The following MPHOSPH9 variants were observed in gnomAD, a reference collection of about 807,000 sequenced individuals.
MPHOSPH9 encodes M-phase phosphoprotein 9.
MPHOSPH9 carries 88 observed loss-of-function variants against 145.5 expected under a neutral mutation model. That is an observed-to-expected ratio of 0.60 (90% CI 0.51 to 0.72). The LOEUF (loss-of-function observed/expected upper bound fraction) is 0.72. Among genes scored for constraint, MPHOSPH9 ranks in the 30% least tolerant of loss-of-function variants. The pLI is 0.00. For synonymous variants in MPHOSPH9, 435 were observed against 486.2 expected, an observed-to-expected ratio of 0.89 and a Z score of 1.39; for missense variants, 1,238 against 1,386.6, an observed-to-expected ratio of 0.89 and a Z score of 1.70.
chr12:123,160,544 A>G (rs2137865047), intron 23 of MPHOSPH9: 1 of 439,158 alleles, frequency 2.3e-6, no homozygotes, highest in South Asian at 5.1e-5. Context: ...TGAAAATACA[A>G]GGGCATGAAC....
At chr12:123,213,719 A>C (rs926320854) in intron 7 of MPHOSPH9, among the ~76,000 whole-genome samples, 2 of 152,220 alleles carry the variant, frequency 1.3e-5, no homozygotes, top group African/African-American at 4.8e-5. Context: ...ACAATTCAGT[A>C]TAAAGTGAGG....
At chr12:123,207,145 T>TA (rs2046470282) in intron 8 of MPHOSPH9, among the ~76,000 whole-genome samples, 4 of 92,924 alleles carry the variant, frequency 4.3e-5, no homozygotes, top group Admixed American at 1.3e-4. Context: ...TCTAAAGTGG[T>TA]TAAAAAAAAA....
intron 8 of MPHOSPH9, among the ~76,000 whole-genome samples, chr12:123,204,457 G>T (rs1194460516): frequency 1.3e-5 from 2 of 152,082 alleles, no homozygotes; most frequent in Non-Finnish European, 2.9e-5. Flanking sequence ...AAAAGAGTTG[G>T]CCAAACAAAA....
intron 1 of MPHOSPH9, among the ~76,000 whole-genome samples, chr12:123,239,527 C>T (rs932554204): frequency 1.3e-5 from 2 of 152,090 alleles, no homozygotes; most frequent in Admixed American, 1.3e-4. Context: ...CTCAGCCTCC[C>T]AAGTAGCTGG....
chr12:123,222,352 G>A (rs1466987153), intron 4 of MPHOSPH9, among the ~76,000 whole-genome samples: 4 of 142,918 alleles, frequency 2.8e-5, no homozygotes, highest in African/African-American at 7.8e-5. Context: ...TTGATATAAC[G>A]TATTGTTTTT....
intron 6 of MPHOSPH9, among the ~76,000 whole-genome samples, chr12:123,217,377 T>C (rs1005400512): frequency 6.6e-6 from 1 of 151,972 alleles, no homozygotes; most frequent in African/African-American, 2.4e-5. Context: ...TTTGTATTTT[T>C]AGTTAGAGAC....
chr12:123,224,731 TTA>T (rs1325442661), intron 3 of MPHOSPH9, among the ~76,000 whole-genome samples: 1 of 152,230 alleles, frequency 6.6e-6, no homozygotes, highest in African/African-American at 2.4e-5. Context: ...TGTGTCCATT[TTA>T]TGTTATAAAA....
At chr12:123,238,078 TAC>T (rs1321031124), upstream of MPHOSPH9, among the ~76,000 whole-genome samples, 1 of 151,900 alleles carries the variant, frequency 6.6e-6, no homozygotes, top group African/African-American at 2.4e-5. Flanking sequence ...TGTATTTTAG[TAC>T]AGAGGGGGTT....
intron 13 of MPHOSPH9, among the ~76,000 whole-genome samples, chr12:123,183,447 C>T (rs1307971590): frequency 7.0e-6 from 1 of 142,324 alleles, no homozygotes; most frequent in Non-Finnish European, 1.5e-5. Context: ...ACTCAGGAGG[C>T]TGAGGCAGGA....
rs2043887766 is a variant in MPHOSPH9, at chr12:123,156,881, T to C, written c.3478A>G (p.Ile1160Val). 6.2e-7 allele frequency: 1 copy of C among 1,609,588 alleles called. No homozygotes were observed. Among genetic ancestry groups the C allele is most frequent in the African/African-American group, 1.3e-5 (1 of 74,910 alleles). Residue 1160 changes from isoleucine (I) to valine (V), a missense_variant, in exon 24 of 24, where the codon ATT becomes GTT. Ile to Val is a conservative substitution (Grantham distance 29). Transcript: ENST00000606320. ...QEALEDRLER[I>V]NRELGSVRMT... Reference sequence around the variant, plus strand: ...CGAACTGAACCCAGTTCTCGATTAATCCTTTCCAAACGATCTTCCAAGGCT... The same window carrying C: ...CGAACTGAACCCAGTTCTCGATTAACCCTTTCCAAACGATCTTCCAAGGCT...
In MPHOSPH9 at chr12:123,218,419, G is replaced by C; in HGVS notation, c.953C>G (p.Ser318Cys). ...RAHVEDGGSR[S>C]KQGNEQSKKT... ...CTTACTTTGCTCATTTCCTTGTTTA[G>C]ATCTTGAACCTCCATCTTCTACATG... is the stretch of plus-strand genomic sequence containing the variant. The change falls in exon 6 of 24, where the codon TCT becomes TGT. Residue 318 changes from serine (S) to cysteine (C), a missense_variant. Physicochemically the swap from Ser to Cys is moderately radical, Grantham distance 112. Transcript: ENST00000606320. The C allele has an allele frequency of 6.2e-7, 1 of 1,614,024 alleles. No individual in the cohort carries two copies. Among genetic ancestry groups the C allele is most frequent in the Non-Finnish European group, 8.5e-7 (1 of 1,179,926 alleles).
intron 13 of MPHOSPH9, among the ~76,000 whole-genome samples, chr12:123,187,808 C>T (rs2045512038): frequency 6.6e-6 from 1 of 152,076 alleles, no homozygotes. Context: ...AGTTCAATTC[C>T]TACTCATACC....
At chr12:123,216,844 C>T (rs1749901741) in intron 6 of MPHOSPH9, among the ~76,000 whole-genome samples, 1 of 152,004 alleles carries the variant, frequency 6.6e-6, no homozygotes, top group African/African-American at 2.4e-5. Flanking sequence ...CAAAAATAAG[C>T]CAGGCGTGGT....
rs1335205323 is a variant in MPHOSPH9, at chr12:123,159,585, G to T, written c.3450+1196C>A. 6.6e-6 allele frequency: 1 copy of T among 152,012 alleles called. No homozygotes were observed. The highest frequency in any genetic ancestry group is 1.5e-5 in the Non-Finnish European group (1 of 68,014). The allele number at this position is 152,012 out of a possible 1,614,324, so 9.4% of individuals were successfully genotyped here. On this transcript the variant is annotated intron_variant, in intron 23 of 23. Coordinates refer to ENST00000606320, the MANE Select transcript of MPHOSPH9 (RefSeq NM_022782.4). The surrounding 1 kb of genome is among the most constrained non-coding windows in gnomAD (Gnocchi z 4.3). ...AGTAGAAATTGTCTCAAACATCCTG[G>T]GTTACAACTTGACATATATCCAAAT...
rs935165893 is a variant in MPHOSPH9 at position 123,204,601 on chromosome 12, A to G, written c.1195-1226T>C. Among the ~76,000 whole-genome samples the G allele has an allele frequency of 2.0e-5, 3 of 152,198 alleles. No individual in the cohort carries two copies. In the East Asian group the frequency reaches 5.8e-4, roughly 29 times the overall value. ...AAGAAGATATGACCCTAGGCTGGAC[A>G]CGGTGGCTTACACCTGTAATCCCAG... is the stretch of plus-strand genomic sequence containing the variant. On this transcript the variant is annotated intron_variant, in intron 8 of 23. Coordinates refer to ENST00000606320, the MANE Select transcript of MPHOSPH9 (RefSeq NM_022782.4).
At chr12:123,202,402 T>C in intron 10 of MPHOSPH9, 83 bp from the exon 11 acceptor site, 1 of 1,379,130 alleles carries the variant, frequency 7.3e-7, no homozygotes, top group Non-Finnish European at 9.8e-7. Context: ...AACACAATGA[T>C]TCTCATGGGC....
At chr12:123,209,182 C>T (rs1009287118) in intron 8 of MPHOSPH9, among the ~76,000 whole-genome samples, 6 of 152,028 alleles carry the variant, frequency 3.9e-5, no homozygotes, top group African/African-American at 1.4e-4. Flanking sequence ...ATCTGCCCAC[C>T]TTGGCCTACC....
intron 16 of MPHOSPH9, among the ~76,000 whole-genome samples, chr12:123,170,796 G>T (rs2044543691): frequency 6.6e-6 from 1 of 152,186 alleles, no homozygotes; most frequent in Non-Finnish European, 1.5e-5. Context: ...GCAACTGTGG[G>T]ATTTGGTGCA....
At position 123,233,079 on chromosome 12, in the gene MPHOSPH9, C is replaced by A. The variant is rs1206240764; in HGVS notation, c.-163G>T. 4 of 152,318 alleles carry A rather than the reference C, an allele frequency of 2.6e-5. No individual in the cohort carries two copies. The highest frequency in any genetic ancestry group is 5.9e-5 in the Non-Finnish European group (4 of 68,110). 9.4% of individuals were successfully genotyped at this position (152,318 alleles called of 1,614,324 possible). A position where few individuals can be genotyped will look rare whatever the true frequency, so the allele number is the denominator to read the frequency against. The stretch of plus-strand genomic sequence containing the variant: ...TGCAGGCTGGTGGCCGCTTACCTGG[C>A]CGCCGCTCCCGCTGCCGATGTCAGG... On this transcript the variant is annotated 5_prime_UTR_variant, in exon 1 of 24. Transcript: ENST00000606320.
Sources: allele counts gnomAD v4.1 joint callset (sites outside exome capture counted in the v4.1 genomes callset), GRCh38; gene constraint gnomAD v4.1.1; non-coding constraint Gnocchi (gnomAD v3.1); transcripts MANE v1.5; gene names NCBI Gene and HGNC (gene_info 2026-07-23, HGNC 2026-07-21).